The following TMEM117 variants were observed in gnomAD, a reference collection of about 807,000 sequenced individuals.
TMEM117 encodes the protein transmembrane protein 117.
A neutral mutation model predicts 52.4 loss-of-function variants in TMEM117; 27 were observed. The observed-to-expected ratio is 0.51, with a 90% CI of 0.38 to 0.71. The LOEUF (loss-of-function observed/expected upper bound fraction) is 0.71. Among genes scored for constraint, TMEM117 ranks in the 30% least tolerant of loss-of-function variants. The probability of loss-of-function intolerance (pLI) is 0.00; values close to 1 mark genes in which losing one functional copy is unlikely to be tolerated. For missense variants in TMEM117, 556 were observed against 630.5 expected (o/e 0.88, Z 1.26); for synonymous variants, 215 against 206.3 (o/e 1.04, Z -0.36).
At chr12:44,149,257 C>T (rs1948688213) in intron 4 of TMEM117, among the ~76,000 whole-genome samples, 1 of 152,084 alleles carries the variant, frequency 6.6e-6, no homozygotes, top group South Asian at 2.1e-4. Flanking sequence ...AGATATGTCC[C>T]TTGAGTCATG....
At chr12:44,303,752 T>TATCCC (rs1330508995) in intron 6 of TMEM117, among the ~76,000 whole-genome samples, 1 of 152,238 alleles carries the variant, frequency 6.6e-6, no homozygotes, top group Non-Finnish European at 1.5e-5. Context: ...ACTTGTAGCA[T>TATCCC]ATCCCACCCA....
chr12:44,195,481 A>G (rs946659305), intron 4 of TMEM117, among the ~76,000 whole-genome samples: 50 of 152,276 alleles, frequency 3.3e-4, no homozygotes, highest in African/African-American at 1.2e-3. Flanking sequence ...AGGAAAGAGG[A>G]TTACACAAGA....
chr12:44,166,645 T>G (rs1001855272), intron 4 of TMEM117, among the ~76,000 whole-genome samples: 1 of 152,230 alleles, frequency 6.6e-6, no homozygotes, highest in Non-Finnish European at 1.5e-5. Flanking sequence ...GTTTTACTAC[T>G]TAAATGATCA....
the TMEM117 span, among the ~76,000 whole-genome samples, chr12:43,821,215 T>C: frequency 6.6e-6 from 1 of 152,202 alleles, no homozygotes; most frequent in African/African-American, 2.4e-5. Context: ...AAATATTTTT[T>C]AATCCAATAC....
intron 5 of TMEM117, among the ~76,000 whole-genome samples, chr12:44,283,577 A>G (rs1950603254): frequency 6.6e-6 from 1 of 152,064 alleles, no homozygotes; most frequent in African/African-American, 2.4e-5. Context: ...AGCTGTATTT[A>G]CCCAATACCT....
At position 43,844,640 on chromosome 12, in the gene TMEM117, G is replaced by A. The variant is rs773626731; in HGVS notation, c.-12G>A. The A allele has an allele frequency of 1.9e-6, 3 of 1,609,674 alleles. No homozygotes were observed. The highest frequency in any genetic ancestry group is 2.5e-6 in the Non-Finnish European group (3 of 1,178,270). ...CTTATACAGGTAAACTACGAACTGG[G>A]AGTTCTGAAGAATGGGTAAAGACTT... On this transcript the variant is annotated 5_prime_UTR_variant, in exon 2 of 8. Transcript: ENST00000266534.
chr12:43,899,254 G>T (rs535129502), intron 2 of TMEM117, among the ~76,000 whole-genome samples: 1 of 152,220 alleles, frequency 6.6e-6, no homozygotes, highest in South Asian at 2.1e-4. Context: ...TTGTAAGGTA[G>T]TGAAAGTTGG....
intron 2 of TMEM117, among the ~76,000 whole-genome samples, chr12:43,869,091 G>A (rs1943659745): frequency 6.6e-6 from 1 of 151,980 alleles, no homozygotes; most frequent in East Asian, 1.9e-4. Flanking sequence ...ATCCACTAAC[G>A]AAATATAATA....
In TMEM117 at chr12:44,375,143, G is replaced by A. The variant is rs139020439; in HGVS notation, c.769-1452G>A. Among the ~76,000 whole-genome samples, 311 of 152,168 alleles carry A rather than the reference G, an allele frequency of 2.0e-3. 1 individual carries two copies. The highest frequency in any genetic ancestry group is 7.2e-3 in the African/African-American group (298 of 41,536). On this transcript the variant is annotated intron_variant, in intron 6 of 7. Transcript: ENST00000266534. ...GCAATAGTTCACATGTGTTATCACC[G>A]ATGCATCTTCTGCATCTTCTACCTC...
At chr12:43,798,049 T>C in the TMEM117 span, among the ~76,000 whole-genome samples, 1 of 152,142 alleles carries the variant, frequency 6.6e-6, no homozygotes, top group Non-Finnish European at 1.5e-5. Flanking sequence ...AACATTTGAA[T>C]GAGTGTACAG....
At chr12:43,821,752 TTG>T in the TMEM117 span, among the ~76,000 whole-genome samples, 1 of 152,202 alleles carries the variant, frequency 6.6e-6, no homozygotes, top group Non-Finnish European at 1.5e-5. Flanking sequence ...TGATTTCCAT[TTG>T]TATTCTGTTT....
intron 3 of TMEM117, among the ~76,000 whole-genome samples, chr12:44,038,471 G>T (rs1439642013): frequency 6.6e-6 from 1 of 152,178 alleles, no homozygotes; most frequent in African/African-American, 2.4e-5. Flanking sequence ...GTGCATGGCT[G>T]TGCGCAGTGA....
chr12:44,318,599 TG>T (rs1951089236), intron 6 of TMEM117, among the ~76,000 whole-genome samples: 3 of 151,786 alleles, frequency 2.0e-5, no homozygotes, highest in Admixed American at 6.6e-5. Context: ...ACAGGAAAGG[TG>T]GGGTGGCTCA....
intron 3 of TMEM117, among the ~76,000 whole-genome samples, chr12:44,062,236 G>T (rs889951842): frequency 9.2e-5 from 14 of 152,160 alleles, no homozygotes; most frequent in Non-Finnish European, 1.6e-4. Flanking sequence ...CAGGAATATT[G>T]CCACTTGCAT....
intron 3 of TMEM117, among the ~76,000 whole-genome samples, chr12:44,025,282 A>G (rs143280857): frequency 7.2e-4 from 109 of 152,322 alleles, no homozygotes; most frequent in African/African-American, 2.3e-3. Flanking sequence ...TAATCACCAT[A>G]CGCAGCGGGT....
intron 3 of TMEM117, among the ~76,000 whole-genome samples, chr12:44,052,551 C>T (rs1438345723): frequency 3.9e-5 from 6 of 152,086 alleles, no homozygotes; most frequent in South Asian, 2.1e-4. Context: ...TCCTGAGTTC[C>T]GTGATGTGGG....
the TMEM117 span, chr12:43,806,065 G>A: frequency 6.6e-7 from 1 of 1,517,936 alleles, no homozygotes; most frequent in Non-Finnish European, 8.8e-7. Flanking sequence ...CGCCCGGGAA[G>A]CAGGAGCGCG....
chr12:44,140,447 C>A (rs1356730552), intron 3 of TMEM117, among the ~76,000 whole-genome samples: 1 of 152,030 alleles, frequency 6.6e-6, no homozygotes, highest in Non-Finnish European at 1.5e-5. Context: ...TATTAATTCT[C>A]CACTGGAGAA....
At chr12:44,296,564 C>T (rs1950772291) in intron 5 of TMEM117, among the ~76,000 whole-genome samples, 1 of 152,120 alleles carries the variant, frequency 6.6e-6, no homozygotes, top group East Asian at 1.9e-4. Flanking sequence ...CCTTGGTGGG[C>T]AGAACTGCTC....
Sources: gnomAD v4.1 joint callset for allele counts (sites outside exome capture counted in the v4.1 genomes callset) on GRCh38, gnomAD v4.1.1 for gene constraint, MANE v1.5 for transcripts, NCBI Gene and HGNC (gene_info 2026-07-23, HGNC 2026-07-21) for gene names.